VSNL1: variants seen among roughly 807,000 people sequenced by gnomAD.
The protein encoded by VSNL1 is visinin-like protein 1.
A neutral mutation model predicts 20.4 loss-of-function variants in VSNL1; 6 were observed. The observed-to-expected ratio is 0.29, with a 90% CI of 0.16 to 0.58. The LOEUF is 0.58. Among genes scored for constraint, VSNL1 ranks in the 20% least tolerant of loss-of-function variants. The pLI, the probability that VSNL1 is intolerant of heterozygous loss-of-function variation, is 0.90. For synonymous variants in VSNL1, 93 were observed against 86.4 expected (o/e 1.08, Z -0.42); for missense variants, 100 against 234.5 (o/e 0.43, Z 3.75).
intron 2 of VSNL1, among the ~76,000 whole-genome samples, chr2:17,616,534 T>A (rs898392277): frequency 1.3e-5 from 2 of 152,172 alleles, no homozygotes; most frequent in African/African-American, 4.8e-5. Context: ...GATGGCACAA[T>A]GGTAGGTGGT....
chr2:17,609,282 T>C (rs1489329618), intron 2 of VSNL1, among the ~76,000 whole-genome samples: 1 of 152,178 alleles, frequency 6.6e-6, no homozygotes, highest in African/African-American at 2.4e-5. Context: ...TAGGGGAGCA[T>C]GTCCTTCCCC....
chr2:17,570,442 A>G (rs888606701), intron 1 of VSNL1, among the ~76,000 whole-genome samples: 10 of 152,338 alleles, frequency 6.6e-5, no homozygotes, highest in Non-Finnish European at 1.2e-4. Flanking sequence ...GAAAATTTAA[A>G]TATTAAATCT....
intron 1 of VSNL1, among the ~76,000 whole-genome samples, chr2:17,549,765 A>C (rs987266482): frequency 4.6e-5 from 7 of 152,228 alleles, no homozygotes; most frequent in African/African-American, 1.7e-4. Context: ...AGACCACTGA[A>C]TCTGTTTAGC....
chr2:17,633,718 TGACAA>T (rs1665689562), intron 2 of VSNL1, among the ~76,000 whole-genome samples: 1 of 152,020 alleles, frequency 6.6e-6, no homozygotes, highest in Admixed American at 6.6e-5. Flanking sequence ...AAACAGCTCG[TGACAA>T]GACAAGGCCC....
intron 2 of VSNL1, among the ~76,000 whole-genome samples, chr2:17,625,523 C>T (rs1665489564): frequency 6.6e-6 from 1 of 152,208 alleles, no homozygotes; most frequent in South Asian, 2.1e-4. Flanking sequence ...GCGACACTCT[C>T]TGTTATTGGT....
chr2:17,599,580 TC>T (rs1178153496), intron 2 of VSNL1, among the ~76,000 whole-genome samples: 3 of 152,218 alleles, frequency 2.0e-5, no homozygotes, highest in African/African-American at 7.2e-5. Flanking sequence ...CATAGGTCTC[TC>T]CCTTGTTTCT....
At chr2:17,555,994 A>G (rs1663666751) in intron 1 of VSNL1, among the ~76,000 whole-genome samples, 1 of 152,216 alleles carries the variant, frequency 6.6e-6, no homozygotes, top group Non-Finnish European at 1.5e-5. Flanking sequence ...GCCAGGTGTT[A>G]CACGAGTGTT....
At chr2:17,553,493 A>C (rs1019908208) in intron 1 of VSNL1, among the ~76,000 whole-genome samples, 3 of 152,222 alleles carry the variant, frequency 2.0e-5, no homozygotes, top group Non-Finnish European at 2.9e-5. Context: ...AAATAAGGGC[A>C]ATTAATTTGA....
chr2:17,547,824 AT>A (rs372135213), intron 1 of VSNL1, among the ~76,000 whole-genome samples: 11 of 152,024 alleles, frequency 7.2e-5, no homozygotes, highest in African/African-American at 2.4e-4. Flanking sequence ...TCCTTATTGG[AT>A]ATATTTTATT....
intron 1 of VSNL1, among the ~76,000 whole-genome samples, chr2:17,572,044 G>C (rs1404853605): frequency 6.6e-6 from 1 of 152,200 alleles, no homozygotes; most frequent in Non-Finnish European, 1.5e-5. Context: ...AAGAGATAAA[G>C]CTGGAGAGGT....
In VSNL1 at chr2:17,592,210, G is replaced by A. The variant is rs371103320; in HGVS notation, c.136G>A (p.Glu46Lys). The change falls in exon 2 of 4, where the codon GAG (glutamate) becomes AAG (lysine). Residue 46 changes from glutamate (E) to lysine (K), a missense_variant. Transcript: ENST00000295156. ...CTGTCCAAGTGGGAGGCTAAATCTC[G>A]AGGAATTTCAGCAGCTCTATGTGAA... Reference protein sequence around the residue: ...KDCPSGRLNLEEFQQLYVKFF... With the variant: ...KDCPSGRLNLKEFQQLYVKFF... The A allele has an allele frequency of 2.5e-6, 4 of 1,613,588 alleles. No individual in the cohort carries two copies. Among genetic ancestry groups the A allele is most frequent in the African/African-American group, 1.3e-5 (1 of 74,890 alleles).
At position 17,596,018 on chromosome 2, in the gene VSNL1, C is replaced by T. The variant is rs1009954076; in HGVS notation, c.162+3782C>T. ...TGATGGGCACTACTTGGGTTGTCAA[C>T]ACATTCTCTTGGACTTCCAGCTTCC... On this transcript the variant is annotated intron_variant, in intron 2 of 3. Transcript: ENST00000295156. 4.6e-5 allele frequency among the ~76,000 whole-genome samples: 7 copies of T among 152,280 alleles called. No homozygotes were observed. In the East Asian group the frequency reaches 1.2e-3, roughly 25 times the overall value.
rs1665720033 is a variant in VSNL1 at position 17,634,993 on chromosome 2, C to T, written c.163-14417C>T. ...ACATACATGTGCACATACATACATA[C>T]ACACTTGGCTCAGGGCACATGAGGG... On this transcript the variant is annotated intron_variant, in intron 2 of 3. Coordinates refer to ENST00000295156, the MANE Select transcript of VSNL1 (RefSeq NM_003385.5). This position sits in a 1 kb window ranked among gnomAD's most constrained non-coding sequence, Gnocchi z 4.3. Among the ~76,000 whole-genome samples the T allele has an allele frequency of 1.3e-5, 2 of 152,170 alleles. No individual in the cohort carries two copies. The highest frequency in any genetic ancestry group is 1.3e-4 in the Admixed American group (2 of 15,282).
chr2:17,602,844 C>T (rs777787813), intron 2 of VSNL1, among the ~76,000 whole-genome samples: 4 of 152,054 alleles, frequency 2.6e-5, no homozygotes, highest in African/African-American at 7.2e-5. Context: ...TATTAGTTGT[C>T]GTCCACCTTC....
intron 2 of VSNL1, among the ~76,000 whole-genome samples, chr2:17,631,892 G>C (rs1478754900): frequency 6.6e-6 from 1 of 152,168 alleles, no homozygotes; most frequent in East Asian, 1.9e-4. Context: ...TGTTGTTGTT[G>C]TTGTTGTTTT....
chr2:17,606,022 C>T (rs1196928923), intron 2 of VSNL1, among the ~76,000 whole-genome samples: 1 of 152,162 alleles, frequency 6.6e-6, no homozygotes, highest in Admixed American at 6.5e-5. Context: ...GAGGTTGGTG[C>T]TATTATTATT....
chr2:17,591,847 T>A (rs1356318633), intron 1 of VSNL1, among the ~76,000 whole-genome samples: 1 of 151,982 alleles, frequency 6.6e-6, no homozygotes, highest in African/African-American at 2.4e-5. Flanking sequence ...CACAATGAGG[T>A]AAAGAGTGAA....
At chr2:17,635,067 C>T (rs949398923) in intron 2 of VSNL1, among the ~76,000 whole-genome samples, 1 of 152,150 alleles carries the variant, frequency 6.6e-6, no homozygotes, top group African/African-American at 2.4e-5. Flanking sequence ...TCAGGGTGCA[C>T]CAGCTGCTTA....
Position 17,542,418 on chromosome 2 carries a change from G to T in VSNL1, c.-6+1500G>T, listed in dbSNP as rs79559280. Reference sequence around the variant, plus strand: ...CGAAATAAGCAAATCCAATTTTGGGGATGAAATGAAATAAATTTTCCCTCA... The same window carrying T: ...CGAAATAAGCAAATCCAATTTTGGGTATGAAATGAAATAAATTTTCCCTCA... On this transcript the variant is annotated intron_variant, in intron 1 of 3. Coordinates refer to ENST00000295156, the MANE Select transcript of VSNL1 (RefSeq NM_003385.5). 4.0e-3 allele frequency among the ~76,000 whole-genome samples: 616 copies of T among 152,258 alleles called. 6 individuals carry two copies. The highest frequency in any genetic ancestry group is 0.014 in the African/African-American group (578 of 41,538).
Sources: gnomAD v4.1 joint callset for allele counts (sites outside exome capture counted in the v4.1 genomes callset) on GRCh38, gnomAD v4.1.1 for gene constraint, Gnocchi (gnomAD v3.1) non-coding constraint, MANE v1.5 for transcripts, NCBI Gene and HGNC (gene_info 2026-07-23, HGNC 2026-07-21) for gene names.